The following ROR1 variants were observed in gnomAD, a reference collection of about 807,000 sequenced individuals.
The protein encoded by ROR1 is ROR family WNT receptor 1.
Under a neutral mutation model 78.8 loss-of-function variants are expected in ROR1, and 19 were observed. That is an observed-to-expected ratio of 0.24 (90% CI 0.17 to 0.35). ROR1 has a LOEUF of 0.35. Ranked by LOEUF, ROR1 falls within the 10% of genes least tolerant of loss-of-function variation. ROR1 has a pLI of 1.00. For synonymous variants in ROR1, 386 were observed against 433.6 expected, an observed-to-expected ratio of 0.89 and a Z score of 1.36; for missense variants, 917 against 1,177.8, an observed-to-expected ratio of 0.78 and a Z score of 3.24.
intron 1 of ROR1, among the ~76,000 whole-genome samples, chr1:63,862,333 G>A (rs993642423): frequency 1.4e-5 from 2 of 142,432 alleles, no homozygotes; most frequent in Admixed American, 7.2e-5. Flanking sequence ...GGCAGAGGTT[G>A]CAGTGAGCCA....
At chr1:63,870,819 T>A (rs1026078954) in intron 1 of ROR1, among the ~76,000 whole-genome samples, 31 of 152,190 alleles carry the variant, frequency 2.0e-4, no homozygotes, top group African/African-American at 7.5e-4. Context: ...TATGAAATTC[T>A]CCAAAAGGAG....
rs143372488 is a variant in ROR1, at chr1:64,069,516, A to ATGTGTG, written c.482+18818_482+18823dup. Among the ~76,000 whole-genome samples, 1,457 of 150,384 alleles carry ATGTGTG rather than the reference A, an allele frequency of 9.7e-3. 18 individuals are homozygous for ATGTGTG. The highest frequency in any genetic ancestry group is 0.032 in the African/African-American group (1,334 of 41,100). ...CAGACTACATTTCCTCTTGGGTTAA[A>ATGTGTG]TGTGTGTGTGTGTGTGTGTGTGTAC... On this transcript the variant is annotated intron_variant, in intron 4 of 8. Transcript: ENST00000371079.
intron 1 of ROR1, among the ~76,000 whole-genome samples, chr1:63,955,373 T>C (rs1460127540): frequency 1.3e-5 from 2 of 152,192 alleles, no homozygotes; most frequent in Non-Finnish European, 2.9e-5. Flanking sequence ...CAGATAACCT[T>C]ATCTCAATTT....
chr1:64,013,138 C>T (rs1646491165), intron 2 of ROR1, among the ~76,000 whole-genome samples: 1 of 152,172 alleles, frequency 6.6e-6, no homozygotes, highest in Admixed American at 6.5e-5. Flanking sequence ...GCCAGCAAAT[C>T]TGATAAACTC....
At chr1:64,074,645 A>G (rs1451393076) in intron 4 of ROR1, among the ~76,000 whole-genome samples, 1 of 152,214 alleles carries the variant, frequency 6.6e-6, no homozygotes, top group East Asian at 1.9e-4. Context: ...GTTTGAACTT[A>G]CCTGGATAGT....
chr1:63,865,878 C>G (rs977343906), intron 1 of ROR1, among the ~76,000 whole-genome samples: 1 of 152,136 alleles, frequency 6.6e-6, no homozygotes, highest in Non-Finnish European at 1.5e-5. Context: ...ACTGATGGCT[C>G]TACCTTTAAG....
chr1:63,869,152 C>A (rs1266922110), intron 1 of ROR1, among the ~76,000 whole-genome samples: 1 of 152,120 alleles, frequency 6.6e-6, no homozygotes, highest in Non-Finnish European at 1.5e-5. Context: ...TATCTGGTTC[C>A]CAAGTTCTCT....
intron 1 of ROR1, among the ~76,000 whole-genome samples, chr1:63,995,261 T>C (rs1646328099): frequency 6.6e-6 from 1 of 152,152 alleles, no homozygotes; most frequent in South Asian, 2.1e-4. Flanking sequence ...CATACTGGAT[T>C]AGGGAATGAC....
At chr1:63,984,940 T>C (rs1646239047) in intron 1 of ROR1, among the ~76,000 whole-genome samples, 1 of 152,220 alleles carries the variant, frequency 6.6e-6, no homozygotes, top group African/African-American at 2.4e-5. Context: ...TGGAAATCTT[T>C]CCTAATGGAT....
intron 1 of ROR1, among the ~76,000 whole-genome samples, chr1:63,933,264 C>T (rs754464736): frequency 4.6e-5 from 7 of 152,090 alleles, no homozygotes; most frequent in Non-Finnish European, 8.8e-5. Context: ...AGCTTCTGGA[C>T]CTTTCACAGT....
At chr1:63,904,158 A>T (rs980919702) in intron 1 of ROR1, among the ~76,000 whole-genome samples, 2 of 152,290 alleles carry the variant, frequency 1.3e-5, no homozygotes, top group African/African-American at 4.8e-5. Flanking sequence ...GAAGAGTGTG[A>T]CAAGATTGCG....
intron 2 of ROR1, among the ~76,000 whole-genome samples, chr1:64,023,210 A>T (rs530699556): frequency 6.6e-6 from 1 of 152,288 alleles, no homozygotes; most frequent in South Asian, 2.1e-4. Context: ...GAAGGATGCT[A>T]GCATCCTGCA....
At chr1:63,824,163 G>T (rs1299882727) in intron 1 of ROR1, among the ~76,000 whole-genome samples, 3 of 152,120 alleles carry the variant, frequency 2.0e-5, no homozygotes, top group Non-Finnish European at 4.4e-5. Context: ...AACTGATCTT[G>T]TCTTTTCTGT....
At chr1:64,092,482 C>A (rs1194061954) in intron 4 of ROR1, among the ~76,000 whole-genome samples, 1 of 151,946 alleles carries the variant, frequency 6.6e-6, no homozygotes, top group Non-Finnish European at 1.5e-5. Flanking sequence ...TTCCTGGGAG[C>A]CCTCAAAGAT....
At chr1:64,119,705 A>G (rs990737533) in intron 4 of ROR1, among the ~76,000 whole-genome samples, 8 of 151,900 alleles carry the variant, frequency 5.3e-5, no homozygotes, top group Non-Finnish European at 1.2e-4. Flanking sequence ...GCTGACCTAT[A>G]TCCATGGCAC....
At chr1:63,976,545 T>TA (rs1162584009) in intron 1 of ROR1, among the ~76,000 whole-genome samples, 1 of 152,212 alleles carries the variant, frequency 6.6e-6, no homozygotes. Context: ...ATTAACTAGA[T>TA]ATACACTGTT....
At chr1:63,817,936 C>T (rs1378545912) in intron 1 of ROR1, among the ~76,000 whole-genome samples, 1 of 152,166 alleles carries the variant, frequency 6.6e-6, no homozygotes, top group East Asian at 1.9e-4. Flanking sequence ...CAGAGTGTCT[C>T]TACGGAACCC....
At chr1:64,072,183 C>G (rs1054592640) in intron 4 of ROR1, among the ~76,000 whole-genome samples, 1 of 152,146 alleles carries the variant, frequency 6.6e-6, no homozygotes, top group Non-Finnish European at 1.5e-5. Context: ...AGCATCTATG[C>G]AAAGAATTGC....
chr1:63,870,977 G>C (rs1645247410), intron 1 of ROR1, among the ~76,000 whole-genome samples: 1 of 152,166 alleles, frequency 6.6e-6, no homozygotes. Context: ...TAATGTTTCT[G>C]AATCTTTCCA....
Sources: gnomAD v4.1 joint callset for allele counts (sites outside exome capture counted in the v4.1 genomes callset) on GRCh38, gnomAD v4.1.1 for gene constraint, MANE v1.5 for transcripts, NCBI Gene and HGNC (gene_info 2026-07-23, HGNC 2026-07-21) for gene names.